Variants in THSD7B observed in about 807,000 individuals in gnomAD.
THSD7B encodes thrombospondin type 1 domain containing 7B, also known as thrombospondin type-1 domain-containing protein 7B.
In THSD7B, 138 loss-of-function variants were observed where a neutral mutation model predicts 213.6. That is an observed-to-expected ratio of 0.65 (90% CI 0.56 to 0.74). The LOEUF (loss-of-function observed/expected upper bound fraction) is 0.74. THSD7B is among the 30% of genes least tolerant of loss of function. The pLI is 0.00. For synonymous variants in THSD7B, 742 were observed against 687.0 expected (o/e 1.08, Z -1.25); for missense variants, 1,931 against 1,991.5 (o/e 0.97, Z 0.58).
intron 17 of THSD7B, among the ~76,000 whole-genome samples, chr2:137,584,056 C>A (rs1165876761): frequency 6.6e-6 from 1 of 152,118 alleles, no homozygotes; most frequent in East Asian, 1.9e-4. Flanking sequence ...TCCTTCACAT[C>A]CCTTGTAAAT....
chr2:136,951,895 A>G (rs1013001510), intron 2 of THSD7B, among the ~76,000 whole-genome samples: 1 of 152,028 alleles, frequency 6.6e-6, no homozygotes, highest in African/African-American at 2.4e-5. Context: ...TTTGAGATGG[A>G]GTCTAGCTCT....
chr2:136,916,541 G>C (rs1452692981), intron 2 of THSD7B, among the ~76,000 whole-genome samples: 1 of 152,182 alleles, frequency 6.6e-6, no homozygotes, highest in Admixed American at 6.5e-5. Flanking sequence ...GTGAGCAGTA[G>C]AACTCAGTTT....
intron 2 of THSD7B, among the ~76,000 whole-genome samples, chr2:136,942,499 A>G (rs1684845989): frequency 6.6e-6 from 1 of 152,108 alleles, no homozygotes; most frequent in African/African-American, 2.4e-5. Context: ...ATGTTCTTCC[A>G]TTTGTTTGTG....
At chr2:137,496,591 A>G (rs557684099) in intron 15 of THSD7B, among the ~76,000 whole-genome samples, 1 of 152,266 alleles carries the variant, frequency 6.6e-6, no homozygotes, top group Admixed American at 6.5e-5. Context: ...TTGCATCAAT[A>G]ATTTCTCTCC....
At chr2:137,115,002 C>T in intron 4 of THSD7B, 122 bp from the exon 5 acceptor site, 1 of 1,031,968 alleles carries the variant, frequency 9.7e-7, no homozygotes, top group Non-Finnish European at 1.4e-6. Context: ...TCTTTATCCA[C>T]AGGCAAAGAT....
intron 17 of THSD7B, among the ~76,000 whole-genome samples, chr2:137,602,924 C>A (rs1573737409): frequency 6.6e-6 from 1 of 152,148 alleles, no homozygotes; most frequent in East Asian, 1.9e-4. Flanking sequence ...AATGACCCTG[C>A]CTTAGGAGTT....
chr2:137,252,832 T>C (rs1682217330), intron 10 of THSD7B, among the ~76,000 whole-genome samples: 1 of 151,546 alleles, frequency 6.6e-6, no homozygotes, highest in South Asian at 2.1e-4. Flanking sequence ...GGCTCATCCC[T>C]CTCTTGTGCC....
At chr2:137,272,949 A>T (rs1044299953) in intron 11 of THSD7B, among the ~76,000 whole-genome samples, 3 of 151,572 alleles carry the variant, frequency 2.0e-5, no homozygotes, top group Admixed American at 6.6e-5. Flanking sequence ...TTCGAAAGAG[A>T]TTCAGGATGA....
At chr2:137,586,157 C>A (rs1158243576) in intron 17 of THSD7B, among the ~76,000 whole-genome samples, 1 of 152,076 alleles carries the variant, frequency 6.6e-6, no homozygotes, top group Non-Finnish European at 1.5e-5. Context: ...AGGATTGCAA[C>A]CCCTGCCTTT....
At chr2:137,487,295 G>A (rs1171014277) in intron 15 of THSD7B, among the ~76,000 whole-genome samples, 3 of 137,710 alleles carry the variant, frequency 2.2e-5, no homozygotes, top group Non-Finnish European at 4.5e-5. Context: ...GTGAACCCGG[G>A]AAGCGGAGCT....
At chr2:137,639,069 G>A (rs1402247154) in intron 20 of THSD7B, among the ~76,000 whole-genome samples, 1 of 151,516 alleles carries the variant, frequency 6.6e-6, no homozygotes, top group South Asian at 2.1e-4. Context: ...TAAGTAGCAA[G>A]GACTCTAATG....
chr2:137,588,354 C>G (rs1285447257), intron 17 of THSD7B, among the ~76,000 whole-genome samples: 4 of 152,180 alleles, frequency 2.6e-5, no homozygotes, highest in Non-Finnish European at 5.9e-5. Flanking sequence ...CACCCATTGT[C>G]CAACAAGCCC....
At chr2:137,260,730 A>C (rs577752330) in intron 10 of THSD7B, among the ~76,000 whole-genome samples, 1 of 152,216 alleles carries the variant, frequency 6.6e-6, no homozygotes, top group East Asian at 1.9e-4. Flanking sequence ...TTGCCACTGC[A>C]TTCCAGCCTA....
At chr2:137,331,496 A>G (rs1259572010) in intron 12 of THSD7B, among the ~76,000 whole-genome samples, 1 of 152,236 alleles carries the variant, frequency 6.6e-6, no homozygotes, top group Non-Finnish European at 1.5e-5. Flanking sequence ...CAATCCTGAC[A>G]TAAAGGTTCT....
At chr2:137,346,336 A>G (rs1377434) in intron 12 of THSD7B, among the ~76,000 whole-genome samples, 138,290 of 151,610 alleles carry the variant, frequency 0.91, 63,745 homozygotes, top group Non-Finnish European at 0.99. Context: ...AATGCAATAT[A>G]TGTTTTATTG....
chr2:137,618,480 G>A lies in THSD7B; in HGVS notation c.3654G>A (p.Lys1218=). ...TAAGCTGTGTGTGCAGTGATGGCAAGCCAGTCAGCATGGACCAATGTGAGC... is the reference window on the plus strand; with the variant it reads ...TAAGCTGTGTGTGCAGTGATGGCAAACCAGTCAGCATGGACCAATGTGAGC... The part of the protein sequence containing the change: ...RLLSCVCSDG[K]PVSMDQCEQH... Residue 1218 remains lysine, a synonymous_variant, in exon 19 of 28, where the codon AAG becomes AAA. Coordinates refer to ENST00000409968, the MANE Select transcript of THSD7B (RefSeq NM_001316349.2). 6.2e-7 allele frequency: 1 copy of A among 1,613,822 alleles called. No individual in the cohort carries two copies.
intron 15 of THSD7B, among the ~76,000 whole-genome samples, chr2:137,454,801 G>A (rs1459970885): frequency 6.6e-6 from 1 of 151,840 alleles, no homozygotes; most frequent in Non-Finnish European, 1.5e-5. Flanking sequence ...GCTAGCTTTA[G>A]GTTATTCGTC....
intron 7 of THSD7B, among the ~76,000 whole-genome samples, chr2:137,190,034 T>C (rs1236807640): frequency 6.6e-6 from 1 of 152,114 alleles, no homozygotes; most frequent in Non-Finnish European, 1.5e-5. Flanking sequence ...AGGTCACCCA[T>C]TTGTGGAAAG....
chr2:137,001,303 C>T (rs1165379839), intron 2 of THSD7B, among the ~76,000 whole-genome samples: 1 of 152,074 alleles, frequency 6.6e-6, no homozygotes. Context: ...AATGAAGAAA[C>T]TATAAACAGA....
Sources: gnomAD v4.1 joint callset for allele counts (sites outside exome capture counted in the v4.1 genomes callset) on GRCh38, gnomAD v4.1.1 for gene constraint, MANE v1.5 for transcripts, NCBI Gene and HGNC (gene_info 2026-07-23, HGNC 2026-07-21) for gene names.